The following GRIK4 variants were observed in gnomAD, a reference collection of about 807,000 sequenced individuals.
GRIK4 encodes the protein glutamate ionotropic receptor kainate type subunit 4.
A neutral mutation model predicts 104.9 loss-of-function variants in GRIK4; 40 were observed. That is an observed-to-expected ratio of 0.38 (90% CI 0.30 to 0.50). The LOEUF (loss-of-function observed/expected upper bound fraction) is 0.50, where lower values mean the gene tolerates loss of function less well. Ranked by LOEUF, GRIK4 falls within the 20% of genes least tolerant of loss-of-function variation. The pLI, the probability that GRIK4 is intolerant of heterozygous loss-of-function variation, is 0.93. For synonymous variants in GRIK4, 485 were observed against 524.9 expected, an observed-to-expected ratio of 0.92 and a Z score of 1.04; for missense variants, 1,047 against 1,308.1, an observed-to-expected ratio of 0.80 and a Z score of 3.08.
chr11:120,849,895 G>T (rs1953936157), intron 8 of GRIK4, among the ~76,000 whole-genome samples: 1 of 152,234 alleles, frequency 6.6e-6, no homozygotes. Flanking sequence ...CTGGCTCTTT[G>T]CTCAGGCTGA....
intron 3 of GRIK4, among the ~76,000 whole-genome samples, chr11:120,781,020 G>A (rs1277113359): frequency 6.6e-6 from 1 of 152,136 alleles, no homozygotes; most frequent in East Asian, 1.9e-4. Context: ...GGGATTACAG[G>A]CATGAGCCAC....
At chr11:120,852,583 G>T (rs1254385056) in intron 8 of GRIK4, among the ~76,000 whole-genome samples, 1 of 152,080 alleles carries the variant, frequency 6.6e-6, no homozygotes, top group Non-Finnish European at 1.5e-5. Flanking sequence ...TCCAAAGCTG[G>T]GAGATTTAGG....
At chr11:120,794,014 G>C (rs1238872442) in intron 3 of GRIK4, among the ~76,000 whole-genome samples, 2 of 150,954 alleles carry the variant, frequency 1.3e-5, no homozygotes, top group Non-Finnish European at 3.0e-5. Flanking sequence ...GGAGTTGTTA[G>C]GGCTGAGAGC....
chr11:120,515,962 G>A (rs1591667891), intron 1 of GRIK4, among the ~76,000 whole-genome samples: 2 of 152,220 alleles, frequency 1.3e-5, no homozygotes, highest in East Asian at 3.8e-4. Flanking sequence ...GAGGAAGGGA[G>A]TCCCAGGAGG....
Position 120,517,059 on chromosome 11 carries a change from C to T in GRIK4, c.-159+5172C>T, listed in dbSNP as rs141627173. The stretch of plus-strand genomic sequence containing the variant: ...CCTCCTGCCAGCCCTCGCCGCCCTC[C>T]CTCCACGGTACCCTCGTGTCTGATA... On this transcript the variant is annotated intron_variant, in intron 1 of 20. Transcript: ENST00000527524. Among the ~76,000 whole-genome samples the T allele has an allele frequency of 1.1e-3, 163 of 148,764 alleles. 17 individuals carry two copies. The highest frequency in any genetic ancestry group is 3.9e-3 in the African/African-American group (155 of 39,336).
At chr11:120,981,400 C>T (rs1411018544) in intron 19 of GRIK4, among the ~76,000 whole-genome samples, 1 of 152,110 alleles carries the variant, frequency 6.6e-6, no homozygotes. Context: ...AATTTGTAAA[C>T]TAATTTTAGG....
At chr11:120,767,464 T>C (rs182215781) in intron 3 of GRIK4, among the ~76,000 whole-genome samples, 4 of 152,332 alleles carry the variant, frequency 2.6e-5, no homozygotes, top group East Asian at 1.9e-4. Context: ...TTATCAGATA[T>C]GTGGTTTGCA....
At chr11:120,898,016 G>C (rs2134478383) in intron 11 of GRIK4, among the ~76,000 whole-genome samples, 1 of 152,262 alleles carries the variant, frequency 6.6e-6, no homozygotes, top group East Asian at 1.9e-4. Context: ...AGTTCTCACA[G>C]CTAATAAATG....
chr11:120,652,176 T>A (rs550034161), intron 1 of GRIK4, among the ~76,000 whole-genome samples: 1 of 152,336 alleles, frequency 6.6e-6, no homozygotes, highest in East Asian at 1.9e-4. Flanking sequence ...GTACTTTGCA[T>A]ATAGTAAATA....
chr11:120,723,239 A>G (rs938849746), intron 3 of GRIK4, among the ~76,000 whole-genome samples: 1 of 152,206 alleles, frequency 6.6e-6, no homozygotes, highest in African/African-American at 2.4e-5. Context: ...CAGTTCTTAC[A>G]TGTTACGTTA....
intron 3 of GRIK4, among the ~76,000 whole-genome samples, chr11:120,788,615 C>G (rs181999180): frequency 2.0e-5 from 3 of 152,268 alleles, no homozygotes; most frequent in African/African-American, 4.8e-5. Context: ...TCCCTTCTCT[C>G]ACCCCAGATG....
At chr11:120,822,074 G>A (rs894283172) in intron 6 of GRIK4, among the ~76,000 whole-genome samples, 23 of 152,042 alleles carry the variant, frequency 1.5e-4, no homozygotes, top group African/African-American at 5.1e-4. Context: ...AGACGGGTGT[G>A]GTGGTACGCG....
chr11:120,592,034 A>G (rs1320720), intron 1 of GRIK4, among the ~76,000 whole-genome samples: 113,416 of 152,112 alleles, frequency 0.75, 42,514 homozygotes, highest in Admixed American at 0.81. Context: ...CCTAGAATGC[A>G]GGTGGACCTC....
intron 6 of GRIK4, among the ~76,000 whole-genome samples, chr11:120,831,606 C>T (rs553192271): frequency 1.4e-4 from 21 of 152,228 alleles, no homozygotes; most frequent in Non-Finnish European, 2.4e-4. Context: ...CTTAAAAGAA[C>T]GTTCTCGAGG....
At chr11:120,896,953 C>A (rs1360931446) in intron 11 of GRIK4, among the ~76,000 whole-genome samples, 2 of 152,210 alleles carry the variant, frequency 1.3e-5, no homozygotes, top group African/African-American at 4.8e-5. Context: ...TTGCCAGGGG[C>A]TCCAGCTAGT....
intron 1 of GRIK4, among the ~76,000 whole-genome samples, chr11:120,644,354 T>C (rs1269675901): frequency 1.3e-5 from 2 of 152,200 alleles, no homozygotes; most frequent in South Asian, 2.1e-4. Context: ...TTATATTTAT[T>C]GATAACTTAA....
rs999275152 is a variant in GRIK4 at position 120,986,304 on chromosome 11, G to A, written c.*44G>A. ...GCGCAGAGGCCGGGCGGGGCGGGAGGGGAGGGGCGGGGCGGGCGCTGCTGT... is the reference window on the plus strand; with the variant it reads ...GCGCAGAGGCCGGGCGGGGCGGGAGAGGAGGGGCGGGGCGGGCGCTGCTGT... On this transcript the variant is annotated 3_prime_UTR_variant, in exon 21 of 21. Coordinates refer to ENST00000527524, the MANE Select transcript of GRIK4 (RefSeq NM_014619.5). The A allele has an allele frequency of 1.4e-6, 2 of 1,402,240 alleles. No individual in the cohort carries two copies. The highest frequency in any genetic ancestry group is 2.9e-5 in the East Asian group (1 of 34,210). The allele number at this position is 1,402,240 out of a possible 1,614,324, so 86.9% of individuals were successfully genotyped here.
intron 3 of GRIK4, among the ~76,000 whole-genome samples, chr11:120,682,199 G>T (rs537236778): frequency 6.6e-6 from 1 of 152,206 alleles, no homozygotes; most frequent in African/African-American, 2.4e-5. Context: ...AAATCCTGGT[G>T]TCTCTCAGAG....
chr11:120,552,387 A>G (rs988402770), intron 1 of GRIK4, among the ~76,000 whole-genome samples: 2 of 152,158 alleles, frequency 1.3e-5, no homozygotes, highest in South Asian at 4.2e-4. Context: ...AGGAAAAACA[A>G]TTTGAGGGCT....
Sources: gnomAD v4.1 joint callset for allele counts (sites outside exome capture counted in the v4.1 genomes callset) on GRCh38, gnomAD v4.1.1 for gene constraint, MANE v1.5 for transcripts, NCBI Gene and HGNC (gene_info 2026-07-23, HGNC 2026-07-21) for gene names.